Variants in RPL36 observed in about 807,000 individuals in gnomAD.
RPL36 encodes the protein large ribosomal subunit protein eL36.
For synonymous variants in RPL36, 74 were observed against 56.0 expected, an observed-to-expected ratio of 1.32 and a Z score of -1.44; for missense variants, 131 against 144.9, an observed-to-expected ratio of 0.90 and a Z score of 0.49.
At position 5,691,868 on chromosome 19, in the gene RPL36, A is replaced by G. The variant is rs1599438777; in HGVS notation, c.*247A>G. 2 of 824,270 alleles carry G rather than the reference A, an allele frequency of 2.4e-6. No individual in the cohort carries two copies. The highest frequency in any genetic ancestry group is 3.7e-6 in the Non-Finnish European group (2 of 536,264). 51.1% of individuals were successfully genotyped at this position (824,270 alleles called of 1,614,324 possible). ...TGACTTTAATCATTAAATAGCTTCT[A>G]TGCCACACTCTGATTAAGCCGACTG... is the stretch of plus-strand genomic sequence containing the variant. On this transcript the variant is annotated 3_prime_UTR_variant, in exon 4 of 4. Coordinates refer to ENST00000347512, the MANE Select transcript of RPL36 (RefSeq NM_033643.3).
Position 5,690,491 on chromosome 19 carries a change from C to T in RPL36, c.-2-15C>T, listed in dbSNP as rs779945708. ...GGTACTCACCTCCGCCCCTTCTCCC[C>T]GTCGCTGTCCGCAGCCATGGCCCTA... is the stretch of plus-strand genomic sequence containing the variant. On this transcript the variant is annotated splice_polypyrimidine_tract_variant and intron_variant, in intron 1 of 3. Transcript: ENST00000347512. 8.5e-6 allele frequency: 13 copies of T among 1,535,288 alleles called. 1 individual carries two copies. In the African/African-American group the frequency reaches 9.6e-5, roughly 11 times the overall value.
chr19:5,691,742 C>G lies in RPL36; in HGVS notation c.*121C>G, dbSNP rs2054824791. ...CGCAGTCCCCTGTCTGGTGCCCGCT[C>G]TGAGCCACACCCTCTCCGGGTGCTG... On this transcript the variant is annotated 3_prime_UTR_variant, in exon 4 of 4. Coordinates refer to ENST00000347512, the MANE Select transcript of RPL36 (RefSeq NM_033643.3). 9.1e-7 allele frequency: 1 copy of G among 1,095,732 alleles called. No homozygotes were observed. The highest frequency in any genetic ancestry group is 2.0e-5 in the Admixed American group (1 of 50,408). The allele number at this position is 1,095,732 out of a possible 1,614,324, so 67.9% of individuals were successfully genotyped here.
intron 2 of RPL36, chr19:5,690,848 C>T: frequency 3.4e-6 from 2 of 582,534 alleles, no homozygotes; most frequent in African/African-American, 1.9e-5. Flanking sequence ...CGGCGCGGGG[C>T]AGCGGGTTTG....
chr19:5,691,153 G>T, intron 2 of RPL36, 166 bp from the exon 3 acceptor site: 1 of 915,660 alleles, frequency 1.1e-6, no homozygotes, highest in Non-Finnish European at 1.7e-6. Flanking sequence ...GGGAGGATGG[G>T]AGCTGCTCCG....
chr19:5,691,625 C>A lies in RPL36; in HGVS notation c.*4C>A. ...AGCTGCTGCCAAGAAAGACTGAGCCCCTCCCCTGCCCTCTCCCTGAAATAA... is the reference window on the plus strand; with the variant it reads ...AGCTGCTGCCAAGAAAGACTGAGCCACTCCCCTGCCCTCTCCCTGAAATAA... On this transcript the variant is annotated 3_prime_UTR_variant, in exon 4 of 4. Transcript: ENST00000347512. 6.2e-7 allele frequency: 1 copy of A among 1,600,778 alleles called. No homozygotes were observed. Among genetic ancestry groups the A allele is most frequent in the Non-Finnish European group, 8.5e-7 (1 of 1,174,878 alleles).
chr19:5,691,779 A>T lies in RPL36; in HGVS notation c.*158A>T. 1.0e-6 allele frequency: 1 copy of T among 955,588 alleles called. No homozygotes were observed. The highest frequency in any genetic ancestry group is 1.6e-6 in the Non-Finnish European group (1 of 625,258). The allele number at this position is 955,588 out of a possible 1,614,324, so 59.2% of individuals were successfully genotyped here. On this transcript the variant is annotated 3_prime_UTR_variant, in exon 4 of 4. Transcript: ENST00000347512. The stretch of plus-strand genomic sequence containing the variant: ...CTCTCCGGGTGCTGCCTGGTCGTGA[A>T]TCAAAAGCCGTGGCCCGCCCACCCT...
Position 5,691,856 on chromosome 19 carries a change from T to A in RPL36, c.*235T>A. Reference sequence around the variant, plus strand: ...CCGTACTGCAAATGACTTTAATCATTAAATAGCTTCTATGCCACACTCTGA... The same window carrying A: ...CCGTACTGCAAATGACTTTAATCATAAAATAGCTTCTATGCCACACTCTGA... On this transcript the variant is annotated 3_prime_UTR_variant, in exon 4 of 4. Coordinates refer to ENST00000347512, the MANE Select transcript of RPL36 (RefSeq NM_033643.3). 1 of 823,312 alleles carries A rather than the reference T, an allele frequency of 1.2e-6. No individual in the cohort carries two copies. The highest frequency in any genetic ancestry group is 1.8e-5 in the South Asian group (1 of 57,014). 51.0% of individuals were successfully genotyped at this position (823,312 alleles called of 1,614,324 possible). A position where few individuals can be genotyped will look rare whatever the true frequency, so the allele number is the denominator to read the frequency against.
At chr19:5,690,440 G>A in intron 1 of RPL36, 66 bp from the exon 2 acceptor site, 1 of 1,244,462 alleles carries the variant, frequency 8.0e-7, no homozygotes, top group Non-Finnish European at 1.2e-6. Flanking sequence ...CCGGGACGCG[G>A]GGCTCTGGGC....
chr19:5,690,578 C>G lies in RPL36; in HGVS notation c.71C>G (p.Pro24Arg). The G allele has an allele frequency of 1.3e-6, 2 of 1,569,666 alleles. No individual in the cohort carries two copies. Among genetic ancestry groups the G allele is most frequent in the South Asian group, 1.2e-5 (1 of 85,394 alleles). Residue 24 changes from proline to arginine, a missense_variant, in exon 2 of 4, where the codon CCC becomes CGC. By Grantham distance (103) the Pro-to-Arg change is moderately radical (BLOSUM62 -2). Coordinates refer to ENST00000347512, the MANE Select transcript of RPL36 (RefSeq NM_033643.3). The part of the protein sequence containing the change: ...GHKVTKNVSK[P>R]RHSRRRGRLT... ...AAAGTGACCAAGAACGTGAGCAAGC[C>G]CAGGCACAGCCGACGCCGCGGGGTG...
Position 5,691,836 on chromosome 19 carries a change from C to A in RPL36, c.*215C>A. On this transcript the variant is annotated 3_prime_UTR_variant, in exon 4 of 4. Transcript: ENST00000347512. ...GGCAGCAGGTGAGGAAGCCGCCGTA[C>A]TGCAAATGACTTTAATCATTAAATA... 1.2e-6 allele frequency: 1 copy of A among 800,712 alleles called. No homozygotes were observed. The highest frequency in any genetic ancestry group is 2.0e-6 in the Non-Finnish European group (1 of 511,720). 49.6% of individuals were successfully genotyped at this position (800,712 alleles called of 1,614,324 possible).
At position 5,691,735 on chromosome 19, in the gene RPL36, GCCCGCTCT is replaced by G; in HGVS notation, c.*115_*122del. The G allele has an allele frequency of 8.6e-7, 1 of 1,164,422 alleles. No individual in the cohort carries two copies. The highest frequency in any genetic ancestry group is 2.7e-4 in the Middle Eastern group (1 of 3,640). 72.1% of individuals were successfully genotyped at this position (1,164,422 alleles called of 1,614,324 possible). On this transcript the variant is annotated 3_prime_UTR_variant, in exon 4 of 4. Transcript: ENST00000347512. ...GGGGGCCCGCAGTCCCCTGTCTGGTGCCCGCTCTGAGCCACACCCTCTCCGGGTGCTGC... is the reference window on the plus strand; with the variant it reads ...GGGGGCCCGCAGTCCCCTGTCTGGTGGAGCCACACCCTCTCCGGGTGCTGC...
chr19:5,691,198 G>C (rs768022035), intron 2 of RPL36, 121 bp from the exon 3 acceptor site: 6 of 1,469,058 alleles, frequency 4.1e-6, no homozygotes, highest in Non-Finnish European at 5.7e-6. Context: ...TAATACCTTG[G>C]TTCTCACAGC....
At chr19:5,691,177 G>T (rs1391998384) in intron 2 of RPL36, 142 bp from the exon 3 acceptor site, 4 of 1,251,326 alleles carry the variant, frequency 3.2e-6, no homozygotes, top group Non-Finnish European at 4.6e-6. Context: ...GCGGCGAAAA[G>T]CGCTAGGCGT....
rs1454158006 is a variant in RPL36 at position 5,691,853 on chromosome 19, C to G, written c.*232C>G. The G allele has an allele frequency of 3.7e-6, 3 of 817,672 alleles. No homozygotes were observed. Among genetic ancestry groups the G allele is most frequent in the South Asian group, 1.8e-5 (1 of 56,822 alleles). 50.7% of individuals were successfully genotyped at this position (817,672 alleles called of 1,614,324 possible). ...CCGCCGTACTGCAAATGACTTTAAT[C>G]ATTAAATAGCTTCTATGCCACACTC... On this transcript the variant is annotated 3_prime_UTR_variant, in exon 4 of 4. Transcript: ENST00000347512.
At chr19:5,691,107 G>A in intron 2 of RPL36, 2 of 660,690 alleles carry the variant, frequency 3.0e-6, no homozygotes, top group Non-Finnish European at 5.2e-6. Flanking sequence ...CCAGACTCCA[G>A]GTGCGTCCTG....
Position 5,691,684 on chromosome 19 carries a change from T to A in RPL36, c.*63T>A. 1 of 1,499,406 alleles carries A rather than the reference T, an allele frequency of 6.7e-7. No individual in the cohort carries two copies. Among genetic ancestry groups the A allele is most frequent in the South Asian group, 1.2e-5 (1 of 83,404 alleles). The allele number at this position is 1,499,406 out of a possible 1,614,324, so 92.9% of individuals were successfully genotyped here. A position where few individuals can be genotyped will look rare whatever the true frequency, so the allele number is the denominator to read the frequency against. On this transcript the variant is annotated 3_prime_UTR_variant, in exon 4 of 4. Transcript: ENST00000347512. Reference sequence around the variant, plus strand: ...TTGACAGAAGCCCTGGCTCTCCTGCTGTCCGTGGGTGGGTGTGGGTGTGTC... The same window carrying A: ...TTGACAGAAGCCCTGGCTCTCCTGCAGTCCGTGGGTGGGTGTGGGTGTGTC...
At position 5,690,517 on chromosome 19, in the gene RPL36, C is replaced by A; in HGVS notation, c.10C>A (p.Arg4Ser). The change falls in exon 2 of 4, where the codon CGC (arginine) becomes AGC (serine). Residue 4 changes from arginine (R) to serine (S), a missense_variant. Transcript: ENST00000347512. Reference sequence around the variant, plus strand: ...GTCGCTGTCCGCAGCCATGGCCCTACGCTACCCTATGGCCGTGGGCCTCAA... The same window carrying A: ...GTCGCTGTCCGCAGCCATGGCCCTAAGCTACCCTATGGCCGTGGGCCTCAA... MAL[R>S]YPMAVGLNKG... is the part of the protein sequence containing the mutation. 1 of 1,559,472 alleles carries A rather than the reference C, an allele frequency of 6.4e-7. No individual in the cohort carries two copies. The highest frequency in any genetic ancestry group is 8.7e-7 in the Non-Finnish European group (1 of 1,152,076).
intron 2 of RPL36, 38 bp from the exon 3 acceptor site, chr19:5,691,273 AATGCAGGG>A (rs2054814448): frequency 6.2e-7 from 1 of 1,611,330 alleles, no homozygotes; most frequent in Admixed American, 1.7e-5. Flanking sequence ...GCTTAACTAG[AATGCAGGG>A]ATCCCCCTAC....
Position 5,691,427 on chromosome 19 carries a change from C to G in RPL36, c.202C>G (p.Arg68Gly). The G allele has an allele frequency of 6.2e-7, 1 of 1,613,968 alleles. No individual in the cohort carries two copies. Among genetic ancestry groups the G allele is most frequent in the Non-Finnish European group, 8.5e-7 (1 of 1,179,982 alleles). Residue 68 changes from arginine (R) to glycine (G), a missense_variant, in exon 3 of 4, where the codon CGG (arginine) becomes GGG (glycine). Transcript: ENST00000347512. ...MELLKVSKDK[R>G]ALKFIKKRVG... is the part of the protein sequence containing the mutation. ...GTTACTGAAGGTCTCCAAGGACAAA[C>G]GGGCCCTCAAATTTATCAAGAAAAG...
Sources: gnomAD v4.1 joint callset for allele counts on GRCh38, gnomAD v4.1.1 for gene constraint, MANE v1.5 for transcripts, NCBI Gene and HGNC (gene_info 2026-07-23, HGNC 2026-07-21) for gene names.